The following UBLCP1 variants were observed in gnomAD, a reference collection of about 807,000 sequenced individuals.
The protein encoded by UBLCP1 is ubiquitin-like domain-containing CTD phosphatase 1.
UBLCP1 carries 28 observed loss-of-function variants against 42.4 expected under a neutral mutation model. The ratio of observed to expected loss-of-function variants is 0.66; its 90% confidence interval spans 0.49 to 0.90. UBLCP1 has a LOEUF of 0.90. Ranked by LOEUF, UBLCP1 falls within the 40% of genes least tolerant of loss-of-function variation. The pLI is 0.00. For missense variants in UBLCP1, 279 were observed against 374.5 expected, an observed-to-expected ratio of 0.75 and a Z score of 2.10; for synonymous variants, 122 against 120.8, an observed-to-expected ratio of 1.01 and a Z score of -0.07.
At chr5:159,270,732 A>C (rs1753454760) in intron 5 of UBLCP1, 89 bp downstream of exon 5, 161 of 797,338 alleles carry the variant, frequency 2.0e-4, no homozygotes, top group East Asian at 6.6e-4. Flanking sequence ...TTAGCAACTC[A>C]TGGTTCTCGT....
At chr5:159,270,045 T>C (rs1362736377) in intron 3 of UBLCP1, 46 bp downstream of exon 3, 2 of 1,435,972 alleles carry the variant, frequency 1.4e-6, no homozygotes, top group Non-Finnish European at 1.9e-6. Flanking sequence ...GAAGATATTA[T>C]GATTTATACT....
At chr5:159,283,522 C>G (rs1303716534) in intron 10 of UBLCP1, among the ~76,000 whole-genome samples, 183 bp downstream of exon 10, 4 of 152,058 alleles carry the variant, frequency 2.6e-5, no homozygotes, top group Non-Finnish European at 4.4e-5. Flanking sequence ...ATCTTAACCT[C>G]TAACTTGTTC....
chr5:159,273,841 C>T (rs1236802294), intron 6 of UBLCP1, among the ~76,000 whole-genome samples: 2 of 118,558 alleles, frequency 1.7e-5, no homozygotes, highest in African/African-American at 6.3e-5. Context: ...AAATCACACA[C>T]ACACACACAC....
chr5:159,279,734 G>A lies in UBLCP1; in HGVS notation c.801+1380G>A, dbSNP rs558559874. ...ATGGTTTCTGTTTAAGGCTTGGAGA[G>A]AAGTGCTTTTCTTAATATGTACTGC... is the stretch of plus-strand genomic sequence containing the variant. On this transcript the variant is annotated intron_variant, in intron 9 of 10. Transcript: ENST00000296786. Among the ~76,000 whole-genome samples the A allele has an allele frequency of 2.6e-5, 4 of 152,300 alleles. No homozygotes were observed. In the South Asian group the frequency reaches 8.3e-4, roughly 32 times the overall value.
At chr5:159,267,316 G>A (rs555836395) in intron 1 of UBLCP1, among the ~76,000 whole-genome samples, 4 of 152,212 alleles carry the variant, frequency 2.6e-5, no homozygotes, top group Non-Finnish European at 4.4e-5. Context: ...GCTGGATTTC[G>A]GACTTGCATG....
intron 8 of UBLCP1, among the ~76,000 whole-genome samples, chr5:159,276,920 A>ATCC (rs1254591623): frequency 6.6e-6 from 1 of 152,016 alleles, no homozygotes; most frequent in Non-Finnish European, 1.5e-5. Context: ...GCTTTTCAGT[A>ATCC]TTTTCATGTT....
chr5:159,282,270 T>G (rs1753618500), intron 9 of UBLCP1, among the ~76,000 whole-genome samples: 1 of 152,156 alleles, frequency 6.6e-6, no homozygotes, highest in African/African-American at 2.4e-5. Context: ...AATTCTTTAC[T>G]GAAGCTATAA....
intron 9 of UBLCP1, among the ~76,000 whole-genome samples, chr5:159,280,962 G>A (rs1333087841): frequency 3.9e-5 from 6 of 152,194 alleles, no homozygotes; most frequent in Non-Finnish European, 5.9e-5. Context: ...CTTGACCTGA[G>A]ACAAGATGAT....
At chr5:159,274,267 T>G in intron 6 of UBLCP1, 1 of 207,276 alleles carries the variant, frequency 4.8e-6, no homozygotes, top group Admixed American at 5.8e-5. Flanking sequence ...AGTTTGGAAT[T>G]GATAGAGTGT....
chr5:159,276,928 G>T (rs1753544877), intron 8 of UBLCP1, among the ~76,000 whole-genome samples: 1 of 151,874 alleles, frequency 6.6e-6, no homozygotes. Flanking sequence ...GTATTTTCAT[G>T]TTTTTTTTCT....
Position 159,270,574 on chromosome 5 carries a change from G to A in UBLCP1, c.379G>A (p.Val127Met), listed in dbSNP as rs769662339. ...TTCTCGCAGAGTGAAAGAGTACAAA[G>A]TGGAAATTTTGAATCCTCCCAGGGA... ...KISRRVKEYK[V>M]EILNPPREGK... Residue 127 changes from valine (V) to methionine (M), a missense_variant, in exon 5 of 11, where the codon GTG (valine) becomes ATG (methionine). By Grantham distance (21) the Val-to-Met change is conservative. Transcript: ENST00000296786. 1 of 1,611,688 alleles carries A rather than the reference G, an allele frequency of 6.2e-7. No individual in the cohort carries two copies. The highest frequency in any genetic ancestry group is 1.1e-5 in the South Asian group (1 of 90,446).
intron 9 of UBLCP1, among the ~76,000 whole-genome samples, 162 bp from the exon 10 acceptor site, chr5:159,283,050 A>G (rs1041739409): frequency 2.0e-5 from 3 of 152,080 alleles, no homozygotes; most frequent in Admixed American, 2.0e-4. Flanking sequence ...ATTTGTAAAC[A>G]TTATACATGA....
At chr5:159,281,519 C>T (rs1172344931) in intron 9 of UBLCP1, among the ~76,000 whole-genome samples, 1 of 152,136 alleles carries the variant, frequency 6.6e-6, no homozygotes, top group Non-Finnish European at 1.5e-5. Context: ...GTGGGATCTC[C>T]CACAAATGCT....
chr5:159,270,667 C>A lies in UBLCP1; in HGVS notation c.448+24C>A. 8 of 1,396,734 alleles carry A rather than the reference C, an allele frequency of 5.7e-6. No individual in the cohort carries two copies. In the East Asian group the frequency reaches 1.2e-4, roughly 21 times the overall value. The allele number at this position is 1,396,734 out of a possible 1,614,324, so 86.5% of individuals were successfully genotyped here. A position where few individuals can be genotyped will look rare whatever the true frequency, so the allele number is the denominator to read the frequency against. ...TGGTAAGTCAGTTAAGAATGCTTTTCATTTTCTGTTACCCACAACAACTCT... is the reference window on the plus strand; with the variant it reads ...TGGTAAGTCAGTTAAGAATGCTTTTAATTTTCTGTTACCCACAACAACTCT... On this transcript the variant is annotated intron_variant, in intron 5 of 10. Coordinates refer to ENST00000296786, the MANE Select transcript of UBLCP1 (RefSeq NM_145049.5).
chr5:159,274,698 T>A, intron 7 of UBLCP1, 76 bp downstream of exon 7: 2 of 1,367,980 alleles, frequency 1.5e-6, no homozygotes, highest in Non-Finnish European at 2.1e-6. Context: ...AGAACTGAAT[T>A]AATTTTATTC....
At chr5:159,275,702 G>C (rs572154420) in intron 8 of UBLCP1, among the ~76,000 whole-genome samples, 1 of 152,278 alleles carries the variant, frequency 6.6e-6, no homozygotes, top group Non-Finnish European at 1.5e-5. Context: ...GTGAGCCACT[G>C]TGCCCAGCCA....
Position 159,269,927 on chromosome 5 carries a change from T to C in UBLCP1, c.174T>C (p.Asp58=). The part of the protein sequence containing the change: ...LKVKGKPAEN[D]VKLGALKLKP... Reference sequence around the variant, plus strand: ...TTGTAGGCAAACCTGCAGAAAATGATGTTAAGCTTGGAGCTCTCAAACTGA... The same window carrying C: ...TTGTAGGCAAACCTGCAGAAAATGACGTTAAGCTTGGAGCTCTCAAACTGA... The change falls in exon 3 of 11, where the codon GAT becomes GAC. Residue 58 remains aspartate, a synonymous_variant. Transcript: ENST00000296786. 1 of 1,613,098 alleles carries C rather than the reference T, an allele frequency of 6.2e-7. No homozygotes were observed. Among genetic ancestry groups the C allele is most frequent in the Non-Finnish European group, 8.5e-7 (1 of 1,179,578 alleles).
In UBLCP1 at chr5:159,269,052, T is replaced by C; in HGVS notation, c.137T>C (p.Leu46Pro). The C allele has an allele frequency of 6.3e-7, 1 of 1,587,394 alleles. No homozygotes were observed. The highest frequency in any genetic ancestry group is 8.5e-7 in the Non-Finnish European group (1 of 1,170,548). Residue 46 changes from leucine (L) to proline (P), a missense_variant, in exon 2 of 11, where the codon CTT (leucine) becomes CCT (proline). Transcript: ENST00000296786. ...GTTCTTCCAGAACGCCAAAAGTTAC[T>C]TGGACTCAAAGTTAAAGGTAATTCT... ...TGVLPERQKL[L>P]GLKVKGKPAE...
At chr5:159,276,577 C>G (rs1324336667) in intron 8 of UBLCP1, among the ~76,000 whole-genome samples, 1 of 152,020 alleles carries the variant, frequency 6.6e-6, no homozygotes, top group East Asian at 1.9e-4. Context: ...TAAAAATAAT[C>G]CTCAATATCC....
Sources: gnomAD v4.1 joint callset for allele counts (sites outside exome capture counted in the v4.1 genomes callset) on GRCh38, gnomAD v4.1.1 for gene constraint, MANE v1.5 for transcripts, NCBI Gene and HGNC (gene_info 2026-07-23, HGNC 2026-07-21) for gene names.